The following LLGL1 variants were observed in gnomAD, a reference collection of about 807,000 sequenced individuals.
LLGL1 encodes the protein lethal(2) giant larvae protein homolog 1.
A neutral mutation model predicts 110.6 loss-of-function variants in LLGL1; 58 were observed. The ratio of observed to expected loss-of-function variants is 0.52; its 90% CI spans 0.42 to 0.65. The LOEUF (loss-of-function observed/expected upper bound fraction) is 0.65, where lower values mean the gene tolerates loss of function less well. LLGL1 is among the 30% of genes least tolerant of loss of function. The pLI, the probability that LLGL1 is intolerant of heterozygous loss-of-function variation, is 0.00. For missense variants in LLGL1, 1,229 were observed against 1,462.1 expected, an observed-to-expected ratio of 0.84 and a Z score of 2.60; for synonymous variants, 674 against 607.2, an observed-to-expected ratio of 1.11 and a Z score of -1.62.
Position 18,235,222 on chromosome 17 carries a change from G to A in LLGL1, c.1194G>A (p.Ser398=), listed in dbSNP as rs1347022786. 3 of 1,610,848 alleles carry A rather than the reference G, an allele frequency of 1.9e-6. No individual in the cohort carries two copies. The highest frequency in any genetic ancestry group is 1.7e-6 in the Non-Finnish European group (2 of 1,180,028). The change falls in exon 10 of 23, where the codon TCG becomes TCA. Residue 398 remains serine, a synonymous_variant. Coordinates refer to ENST00000316843, the MANE Select transcript of LLGL1 (RefSeq NM_004140.4). The part of the protein sequence containing the change: ...APLHSSAITC[S]AHVASVPAKL... ...TGCACTCCTCTGCAATCACTTGCTC[G>A]GCCCACGTGGCCAGTGTCCCCGCCA...
chr17:18,235,170 C>T lies in LLGL1; in HGVS notation c.1142C>T (p.Ala381Val). Residue 381 changes from alanine to valine, a missense_variant, in exon 10 of 23, where the codon GCT becomes GTT. Ala to Val is a moderately conservative substitution (Grantham distance 64). Transcript: ENST00000316843. ...VLDLQTPGWP[A>V]VPAPYLAPLH... ...GACCTGCAGACTCCTGGCTGGCCAG[C>T]TGTGCCTGCCCCATACCTGGCCCCG... The T allele has an allele frequency of 6.2e-7, 1 of 1,613,160 alleles. No individual in the cohort carries two copies.
intron 2 of LLGL1, among the ~76,000 whole-genome samples, chr17:18,231,030 G>C (rs916562338): frequency 6.6e-6 from 1 of 152,312 alleles, no homozygotes; most frequent in East Asian, 1.9e-4. Flanking sequence ...TGTGGGTGCT[G>C]CGCTGCGTGC....
rs1401836301 is a variant in LLGL1 at position 18,225,644 on chromosome 17, G to T, written c.-39G>T. On this transcript the variant is annotated 5_prime_UTR_variant, in exon 1 of 23. Transcript: ENST00000316843. Reference sequence around the variant, plus strand: ...CGGGGCCGCGCGGCGCATCCTGCGGGCGGCGGCGGCGGGCGAGGCGCCTGC... The same window carrying T: ...CGGGGCCGCGCGGCGCATCCTGCGGTCGGCGGCGGCGGGCGAGGCGCCTGC... 1.1e-6 allele frequency: 1 copy of T among 874,064 alleles called. No homozygotes were observed. 54.1% of individuals were successfully genotyped at this position (874,064 alleles called of 1,614,324 possible).
At chr17:18,229,880 G>C (rs2047530454) in intron 1 of LLGL1, 61 bp from the exon 2 acceptor site, 2 of 1,232,394 alleles carry the variant, frequency 1.6e-6, no homozygotes, top group Non-Finnish European at 2.3e-6. Flanking sequence ...TGGGCCTCAG[G>C]GTGGGCCATG....
At chr17:18,242,327 G>A in intron 20 of LLGL1, 49 bp downstream of exon 20, 1 of 1,576,360 alleles carries the variant, frequency 6.3e-7, no homozygotes, top group Non-Finnish European at 8.7e-7. Context: ...CGGTGCCCTG[G>A]GGGAGGGAGT....
chr17:18,233,957 C>G, intron 5 of LLGL1, 21 bp downstream of exon 5: 1 of 1,603,558 alleles, frequency 6.2e-7, no homozygotes, highest in Non-Finnish European at 8.5e-7. Flanking sequence ...GGTGGGCTTC[C>G]CAGCACCCAC....
In LLGL1 at chr17:18,240,256, G is replaced by A. The variant is rs2047797409; in HGVS notation, c.2207-322G>A. 6.6e-6 allele frequency among the ~76,000 whole-genome samples: 1 copy of A among 152,128 alleles called. No individual in the cohort carries two copies. Among genetic ancestry groups the A allele is most frequent in the Admixed American group, 6.5e-5 (1 of 15,278 alleles). On this transcript the variant is annotated intron_variant, in intron 16 of 22. Coordinates refer to ENST00000316843, the MANE Select transcript of LLGL1 (RefSeq NM_004140.4). The surrounding 1 kb of genome is among the most constrained non-coding windows in gnomAD (Gnocchi z 5.3). ...GTTTACTGAGATGGGGGCTGAGGGT[G>A]CAGTGGGATGGGGCTGGAGGTCTGG...
intron 13 of LLGL1, 101 bp from the exon 14 acceptor site, chr17:18,237,380 C>T (rs2047716512): frequency 1.7e-6 from 2 of 1,206,434 alleles, no homozygotes; most frequent in African/African-American, 1.5e-5. Context: ...CTAGAACCAC[C>T]TTGGTGGTGG....
At position 18,241,670 on chromosome 17, in the gene LLGL1, G is replaced by A. The variant is rs920246553; in HGVS notation, c.2722G>A (p.Asp908Asn). ...QVHYSCIRKEDISGIASCVFT... is the reference protein window; with the variant it reads ...QVHYSCIRKENISGIASCVFT... ...GCACTATTCCTGCATCCGGAAGGAG[G>A]ACATCAGCGGCATCGCTTCGTGCGT... Residue 908 changes from aspartate to asparagine, a missense_variant, in exon 18 of 23, where the codon GAC becomes AAC. Asp to Asn is a conservative substitution (Grantham distance 23, BLOSUM62 1). Transcript: ENST00000316843. 2 of 1,613,694 alleles carry A rather than the reference G, an allele frequency of 1.2e-6. No individual in the cohort carries two copies. The highest frequency in any genetic ancestry group is 2.7e-5 in the African/African-American group (2 of 75,066).
Position 18,241,493 on chromosome 17 carries a change from C to T in LLGL1, c.2545C>T (p.Leu849=), listed in dbSNP as rs764063953. The T allele has an allele frequency of 6.2e-6, 10 of 1,613,672 alleles. No homozygotes were observed. The Admixed American group carries it at 1.7e-4, about 27-fold the overall frequency. The change falls in exon 18 of 23, where the codon CTG becomes TTG. Residue 849 remains leucine (L), a synonymous_variant. Coordinates refer to ENST00000316843, the MANE Select transcript of LLGL1 (RefSeq NM_004140.4). Reference sequence around the variant, plus strand: ...GGTGAGCGCGAAGACCAAGTTCAAGCTGACGGCCCATGAGGGCTGTCGTGT... The same window carrying T: ...GGTGAGCGCGAAGACCAAGTTCAAGTTGACGGCCCATGAGGGCTGTCGTGT... ...PKVSAKTKFK[L]TAHEGCRVRK...
At chr17:18,235,403 A>G in intron 10 of LLGL1, 67 bp from the exon 11 acceptor site, 1 of 1,607,154 alleles carries the variant, frequency 6.2e-7, no homozygotes, top group Non-Finnish European at 8.5e-7. Context: ...AATGTGCCAT[A>G]CTCGGGGTGA....
intron 2 of LLGL1, among the ~76,000 whole-genome samples, 166 bp from the exon 3 acceptor site, chr17:18,232,329 T>C (rs1480091172): frequency 6.6e-6 from 1 of 152,036 alleles, no homozygotes; most frequent in Non-Finnish European, 1.5e-5. Context: ...GGGTGCAGAG[T>C]GGGAGCTTTA....
In LLGL1 at chr17:18,233,830, G is replaced by A. The variant is rs777515946; in HGVS notation, c.445G>A (p.Asp149Asn). Residue 149 changes from aspartate to asparagine, a missense_variant, in exon 5 of 23, where the codon GAC (aspartate) becomes AAC (asparagine). Transcript: ENST00000316843. ...VTVVLLVAAS[D>N]IAALGTEGSS... is the part of the protein sequence containing the mutation. ...AGTGGTCCTGCTGGTGGCTGCCAGC[G>A]ACATAGCAGCCCTGGGCACTGAGGG... 6 of 1,613,714 alleles carry A rather than the reference G, an allele frequency of 3.7e-6. No homozygotes were observed. The highest frequency in any genetic ancestry group is 1.7e-5 in the Admixed American group (1 of 60,018).
chr17:18,239,874 G>T (rs994040800), intron 16 of LLGL1, among the ~76,000 whole-genome samples: 2 of 152,132 alleles, frequency 1.3e-5, no homozygotes, highest in Admixed American at 1.3e-4. Context: ...TTCCTGTTGG[G>T]CATGTTTTGA....
At chr17:18,238,632 G>GGC in intron 16 of LLGL1, 23 bp downstream of exon 16, 1 of 1,601,744 alleles carries the variant, frequency 6.2e-7, no homozygotes, top group Non-Finnish European at 8.5e-7. Flanking sequence ...CAGGGGCAGG[G>GGC]ACAGGGCAAG....
intron 16 of LLGL1, among the ~76,000 whole-genome samples, chr17:18,239,922 C>T (rs995354825): frequency 6.6e-6 from 1 of 152,096 alleles, no homozygotes. Flanking sequence ...TCCATCGGGT[C>T]ATCAGGGAGC....
intron 1 of LLGL1, 86 bp from the exon 2 acceptor site, chr17:18,229,855 G>T: frequency 1.2e-6 from 1 of 858,698 alleles, no homozygotes. Context: ...GCAGACCCTG[G>T]AGGCTGCCTT....
rs755155760 is a variant in LLGL1, at chr17:18,240,855, A to G, written c.2484A>G (p.Ala828=). Residue 828 remains alanine (A), a synonymous_variant, in exon 17 of 23, where the codon GCA becomes GCG. Coordinates refer to ENST00000316843, the MANE Select transcript of LLGL1 (RefSeq NM_004140.4). This position sits in a 1 kb window ranked among gnomAD's most constrained non-coding sequence, Gnocchi z 5.3. ...DMQGGHAVLI[A]SEEQFKVFTL... Reference sequence around the variant, plus strand: ...AGGGTGGTCACGCTGTGCTCATCGCATCTGAGGAGCAGTTCAAGGTGAGCC... The same window carrying G: ...AGGGTGGTCACGCTGTGCTCATCGCGTCTGAGGAGCAGTTCAAGGTGAGCC... The G allele has an allele frequency of 7.8e-6, 12 of 1,540,250 alleles. No individual in the cohort carries two copies. The highest frequency in any genetic ancestry group is 1.1e-5 in the Non-Finnish European group (12 of 1,136,364).
intron 13 of LLGL1, 164 bp downstream of exon 13, chr17:18,237,103 G>GC (rs2047710687): frequency 1.6e-6 from 1 of 635,282 alleles, no homozygotes; most frequent in Non-Finnish European, 2.7e-6. Context: ...TGGGAAGTGG[G>GC]CCTGTCGCTG....
Sources: gnomAD v4.1 joint callset for allele counts (sites outside exome capture counted in the v4.1 genomes callset) on GRCh38, gnomAD v4.1.1 for gene constraint, Gnocchi (gnomAD v3.1) non-coding constraint, MANE v1.5 for transcripts, NCBI Gene and HGNC (gene_info 2026-07-23, HGNC 2026-07-21) for gene names.